Variants in ZNF367 observed in about 807,000 individuals in gnomAD.
ZNF367 encodes the protein zinc finger protein 367.
In ZNF367, 11 loss-of-function variants were observed where a neutral mutation model predicts 31.8. That is an observed-to-expected ratio of 0.35 (90% CI 0.22 to 0.57). The LOEUF (loss-of-function observed/expected upper bound fraction) is 0.57. Ranked by LOEUF, ZNF367 falls within the 20% of genes least tolerant of loss-of-function variation. The pLI is 0.85. For synonymous variants in ZNF367, 199 were observed against 202.4 expected, an observed-to-expected ratio of 0.98 and a Z score of 0.14; for missense variants, 353 against 484.1, an observed-to-expected ratio of 0.73 and a Z score of 2.54.
Position 96,412,701 on chromosome 9 carries a change from T to C in ZNF367, c.420+4912A>G, listed in dbSNP as rs993392400. On this transcript the variant is annotated intron_variant, in intron 1 of 4. Transcript: ENST00000375256. ...TTTCTTTTTTCTTTTTCTTTTCTTT[T>C]TTTTTTTTTTTTGAGACAGAATCTC... is the stretch of plus-strand genomic sequence containing the variant. Among the ~76,000 whole-genome samples the C allele has an allele frequency of 5.3e-5, 8 of 150,004 alleles. No individual in the cohort carries two copies. In the East Asian group the frequency reaches 9.6e-4, roughly 18 times the overall value.
chr9:96,392,038 C>CTA (rs1831478541), intron 4 of ZNF367, among the ~76,000 whole-genome samples: 1 of 152,188 alleles, frequency 6.6e-6, no homozygotes, highest in Non-Finnish European at 1.5e-5. Context: ...CCTCGGCTGT[C>CTA]TATCCCTGTT....
chr9:96,392,452 G>C lies in ZNF367; in HGVS notation c.776C>G (p.Thr259Arg), dbSNP rs1389085485. The change falls in exon 4 of 5, where the codon ACA (threonine) becomes AGA (arginine). Residue 259 changes from threonine (T) to arginine (R), a missense_variant. Physicochemically the swap from Thr to Arg is moderately conservative, Grantham distance 71. Around this residue, in one of 5 missense-constraint regions of ZNF367, gnomAD observed 101 missense variants for 140.0 expected, o/e 0.72. Coordinates refer to ENST00000375256, the MANE Select transcript of ZNF367 (RefSeq NM_153695.4). Reference protein sequence around the residue: ...ARLKREEPTDTLSKHQAADNK... With the variant: ...ARLKREEPTDRLSKHQAADNK... ...GTCGGCAGCCTGATGTTTGCTGAGT[G>C]TGTCCGTGGGCTCCTCTCTCTTCAG... is the stretch of plus-strand genomic sequence containing the variant. 1.9e-6 allele frequency: 3 copies of C among 1,614,182 alleles called. No homozygotes were observed. In the East Asian group the frequency reaches 6.7e-5, roughly 36 times the overall value.
chr9:96,392,869 G>A (rs966040508), intron 3 of ZNF367, among the ~76,000 whole-genome samples: 1 of 152,182 alleles, frequency 6.6e-6, no homozygotes, highest in Non-Finnish European at 1.5e-5. Context: ...CGAATCACTT[G>A]AGATCAGGAG....
At chr9:96,390,206 CA>C (rs1831456157) in intron 4 of ZNF367, among the ~76,000 whole-genome samples, 1 of 150,476 alleles carries the variant, frequency 6.6e-6, no homozygotes, top group African/African-American at 2.4e-5. Flanking sequence ...CCAGCCCCAA[CA>C]AAGCTGTTTT....
In ZNF367 at chr9:96,418,062, C is replaced by T; in HGVS notation, c.-30G>A. On this transcript the variant is annotated 5_prime_UTR_variant, in exon 1 of 5. Coordinates refer to ENST00000375256, the MANE Select transcript of ZNF367 (RefSeq NM_153695.4). The stretch of plus-strand genomic sequence containing the variant: ...CGGCCCGACCCCCAGCTCCGGCGGC[C>T]CCGGGCCGCACTCCTGAGCACCGCT... The T allele has an allele frequency of 7.4e-7, 1 of 1,351,686 alleles. No homozygotes were observed. The highest frequency in any genetic ancestry group is 9.5e-7 in the Non-Finnish European group (1 of 1,057,462). 83.7% of individuals were successfully genotyped at this position (1,351,686 alleles called of 1,614,324 possible). A position where few individuals can be genotyped will look rare whatever the true frequency, so the allele number is the denominator to read the frequency against.
chr9:96,391,399 A>C (rs1187286684), intron 4 of ZNF367, among the ~76,000 whole-genome samples: 1 of 152,210 alleles, frequency 6.6e-6, no homozygotes, highest in Non-Finnish European at 1.5e-5. Flanking sequence ...GGTGAGCAAG[A>C]GGCTTAGCCA....
At chr9:96,390,384 A>G (rs534914216) in intron 4 of ZNF367, among the ~76,000 whole-genome samples, 1 of 152,342 alleles carries the variant, frequency 6.6e-6, no homozygotes, top group Non-Finnish European at 1.5e-5. Flanking sequence ...ATGGCAAAAG[A>G]TAAGTTCAGC....
chr9:96,407,001 C>CAAAA (rs71368256), intron 1 of ZNF367, among the ~76,000 whole-genome samples: 2 of 35,870 alleles, frequency 5.6e-5, no homozygotes, highest in Non-Finnish European at 9.8e-5. Flanking sequence ...GACTCCATCT[C>CAAAA]AAAAAAAAAA....
At chr9:96,389,374 T>C (rs1831442852) in intron 4 of ZNF367, among the ~76,000 whole-genome samples, 5 of 151,706 alleles carry the variant, frequency 3.3e-5, no homozygotes. Flanking sequence ...TACAAAGCCT[T>C]GTATATTAAT....
intron 1 of ZNF367, among the ~76,000 whole-genome samples, chr9:96,411,222 C>A (rs1482052780): frequency 1.3e-5 from 2 of 151,838 alleles, no homozygotes; most frequent in Admixed American, 6.6e-5. Flanking sequence ...AAGTCCTCTG[C>A]CATAAAAGGA....
intron 1 of ZNF367, among the ~76,000 whole-genome samples, chr9:96,409,509 A>G (rs1235082802): frequency 1.3e-5 from 2 of 152,172 alleles, no homozygotes; most frequent in Non-Finnish European, 2.9e-5. Flanking sequence ...GAGCTAACTG[A>G]CTCAGTGGGT....
chr9:96,416,551 T>C (rs1283159975), intron 1 of ZNF367, among the ~76,000 whole-genome samples: 1 of 152,240 alleles, frequency 6.6e-6, no homozygotes, highest in African/African-American at 2.4e-5. Flanking sequence ...TGTGACTGCA[T>C]GTAAAATGAT....
rs538448790 is a variant in ZNF367, at chr9:96,410,515, T to A, written c.420+7098A>T. Among the ~76,000 whole-genome samples, 7 of 136,658 alleles carry A rather than the reference T, an allele frequency of 5.1e-5. No homozygotes were observed. In the South Asian group the frequency reaches 1.7e-3, roughly 33 times the overall value. 89.7% of individuals were successfully genotyped at this position (136,658 alleles called of 152,430 possible). A position where few individuals can be genotyped will look rare whatever the true frequency, so the allele number is the denominator to read the frequency against. On this transcript the variant is annotated intron_variant, in intron 1 of 4. Transcript: ENST00000375256. ...AGGCGGAGCTTGCAGTGAGCCGAGATGGCACCATTGCACTCCAGCCTGGGC... is the reference window on the plus strand; with the variant it reads ...AGGCGGAGCTTGCAGTGAGCCGAGAAGGCACCATTGCACTCCAGCCTGGGC...
Position 96,386,375 on chromosome 9 carries a change from A to G in ZNF367, c.*1862T>C, listed in dbSNP as rs1831409427. On this transcript the variant is annotated 3_prime_UTR_variant, in exon 5 of 5. Transcript: ENST00000375256. The stretch of plus-strand genomic sequence containing the variant: ...CTTACTACCCTTCCTTCTTTAGTTA[A>G]GTTGATCAAAGTTCAAATTTCCCAA... 2.0e-5 allele frequency: 3 copies of G among 152,280 alleles called. No homozygotes were observed. Among genetic ancestry groups the G allele is most frequent in the African/African-American group, 7.2e-5 (3 of 41,572 alleles). The allele number at this position is 152,280 out of a possible 1,614,324, so 9.4% of individuals were successfully genotyped here.
intron 2 of ZNF367, 47 bp from the exon 3 acceptor site, chr9:96,394,989 AAG>A: frequency 6.2e-7 from 1 of 1,607,392 alleles, no homozygotes; most frequent in South Asian, 1.1e-5. Context: ...ATAAGGCCAG[AAG>A]AGGAGGGGGA....
At chr9:96,406,864 C>T (rs967189744) in intron 1 of ZNF367, among the ~76,000 whole-genome samples, 28 of 151,414 alleles carry the variant, frequency 1.8e-4, no homozygotes, top group African/African-American at 5.6e-4. Context: ...TAGCTGGGCG[C>T]GGTGGGGGGC....
chr9:96,397,721 A>G (rs1831549170), intron 2 of ZNF367, among the ~76,000 whole-genome samples: 1 of 152,312 alleles, frequency 6.6e-6, no homozygotes, highest in South Asian at 2.1e-4. Context: ...AAACTTCACA[A>G]CTAATAGTGG....
At position 96,417,916 on chromosome 9, in the gene ZNF367, CG is replaced by C; in HGVS notation, c.116del (p.Pro39ArgfsTer42). The C allele has an allele frequency of 6.5e-7, 1 of 1,526,940 alleles. No homozygotes were observed. Among genetic ancestry groups the C allele is most frequent in the Non-Finnish European group, 8.7e-7 (1 of 1,146,610 alleles). 94.6% of individuals were successfully genotyped at this position (1,526,940 alleles called of 1,614,324 possible). A position where few individuals can be genotyped will look rare whatever the true frequency, so the allele number is the denominator to read the frequency against. On this transcript the variant is annotated frameshift_variant, in exon 1 of 5. Coordinates refer to ENST00000375256, the MANE Select transcript of ZNF367 (RefSeq NM_153695.4). LOFTEE classifies it high-confidence loss of function. The surrounding 1 kb of genome is among the most constrained non-coding windows in gnomAD (Gnocchi z 5.0). ...CTCCACCGCCGCACGTTGGCTTGATCGGGGTCGTCCTGATGACCGACACCAG... is the reference window on the plus strand; with the variant it reads ...CTCCACCGCCGCACGTTGGCTTGATCGGGTCGTCCTGATGACCGACACCAG... Reference protein sequence around the residue: ...RVLVSVIRTTPIKPTCGGGGE... With the variant: ...RVLVSVIRTTXIKPTCGGGGE...
intron 1 of ZNF367, among the ~76,000 whole-genome samples, chr9:96,416,797 C>A (rs1831836485): frequency 6.6e-6 from 1 of 152,192 alleles, no homozygotes; most frequent in African/African-American, 2.4e-5. Context: ...GATAGAAATA[C>A]TCCTGGCTCA....
Sources: gnomAD v4.1 joint callset for allele counts (sites outside exome capture counted in the v4.1 genomes callset) on GRCh38, gnomAD v4.1.1 for gene constraint, gnomAD v4.1.1 regional missense constraint, Gnocchi (gnomAD v3.1) non-coding constraint, MANE v1.5 for transcripts, NCBI Gene and HGNC (gene_info 2026-07-23, HGNC 2026-07-21) for gene names.